Variants in GSK3B observed in about 807,000 individuals in gnomAD.
GSK3B encodes glycogen synthase kinase 3 beta, also known as glycogen synthase kinase-3 beta.
A neutral mutation model predicts 56.4 loss-of-function variants in GSK3B; 15 were observed. The ratio of observed to expected loss-of-function variants is 0.27; its 90% confidence interval spans 0.18 to 0.41. GSK3B has a LOEUF of 0.41. Among genes scored for constraint, GSK3B ranks in the 10% least tolerant of loss-of-function variants. The pLI, the probability that GSK3B is intolerant of heterozygous loss-of-function variation, is 1.00. For missense variants in GSK3B, 300 were observed against 513.4 expected (o/e 0.58, Z 4.02); for synonymous variants, 181 against 188.9 (o/e 0.96, Z 0.34).
chr3:120,055,792 C>CAACAAAG (rs2058187155), intron 1 of GSK3B, among the ~76,000 whole-genome samples: 1 of 151,958 alleles, frequency 6.6e-6, no homozygotes, highest in African/African-American at 2.4e-5. Context: ...GAATATTAGC[C>CAACAAAG]AATTGGAGAG....
chr3:119,951,630 A>C (rs548242218), intron 2 of GSK3B, among the ~76,000 whole-genome samples: 3 of 152,310 alleles, frequency 2.0e-5, no homozygotes, highest in African/African-American at 7.2e-5. Context: ...ATTGGAAAAA[A>C]ACATTGTGAG....
intron 3 of GSK3B, among the ~76,000 whole-genome samples, chr3:119,926,884 T>C (rs1029962340): frequency 1.3e-5 from 2 of 152,128 alleles, no homozygotes; most frequent in African/African-American, 2.4e-5. Flanking sequence ...CCTTAATCAT[T>C]CCATTTAAAA....
At position 120,044,267 on chromosome 3, in the gene GSK3B, T is replaced by C. The variant is rs143390198; in HGVS notation, c.89-42028A>G. ...ATTTCACCTTGTGTCTCTCACGGAATGGGAAAAACTTGGCGTTCCTGGGAA... is the reference window on the plus strand; with the variant it reads ...ATTTCACCTTGTGTCTCTCACGGAACGGGAAAAACTTGGCGTTCCTGGGAA... On this transcript the variant is annotated intron_variant, in intron 1 of 10. Coordinates refer to ENST00000264235, the MANE Select transcript of GSK3B (RefSeq NM_001146156.2). Among the ~76,000 whole-genome samples the C allele has an allele frequency of 3.6e-4, 55 of 152,312 alleles. No individual in the cohort carries two copies. The South Asian group carries it at 4.3e-3, about 12-fold the overall frequency.
intron 1 of GSK3B, among the ~76,000 whole-genome samples, chr3:120,006,006 A>G (rs2057724104): frequency 6.6e-6 from 1 of 152,174 alleles, no homozygotes; most frequent in Non-Finnish European, 1.5e-5. Flanking sequence ...CTCAAGACCC[A>G]TCAATGTGCT....
chr3:119,858,057 G>T (rs1431920950), intron 9 of GSK3B, among the ~76,000 whole-genome samples: 1 of 152,192 alleles, frequency 6.6e-6, no homozygotes, highest in Non-Finnish European at 1.5e-5. Context: ...AAACAGATGT[G>T]CTGTCATGCA....
At chr3:120,019,633 C>CGG (rs1239096787) in intron 1 of GSK3B, among the ~76,000 whole-genome samples, 6 of 152,088 alleles carry the variant, frequency 3.9e-5, no homozygotes, top group African/African-American at 1.4e-4. Flanking sequence ...TAACCATAGC[C>CGG]GGTAAGCAAA....
chr3:120,047,362 T>C (rs569990072), intron 1 of GSK3B, among the ~76,000 whole-genome samples: 11 of 152,338 alleles, frequency 7.2e-5, no homozygotes, highest in South Asian at 6.2e-4. Context: ...TCCAGATAGA[T>C]AGGCTACCAG....
At chr3:119,899,612 T>C (rs1044507679) in intron 7 of GSK3B, among the ~76,000 whole-genome samples, 1 of 152,092 alleles carries the variant, frequency 6.6e-6, no homozygotes, top group Non-Finnish European at 1.5e-5. Context: ...ATTGAAAGCC[T>C]AGGAAAACAA....
In GSK3B at chr3:120,093,949, C is replaced by G. The variant is rs994514680; in HGVS notation, c.-515G>C. The G allele has an allele frequency of 8.5e-5, 18 of 211,338 alleles. No individual in the cohort carries two copies. Among genetic ancestry groups the G allele is most frequent in the East Asian group, 8.3e-4 (12 of 14,502 alleles). 13.1% of individuals were successfully genotyped at this position (211,338 alleles called of 1,614,324 possible). On this transcript the variant is annotated 5_prime_UTR_variant, in exon 1 of 11. Transcript: ENST00000264235. ...TGGCTCGGAGATGCGACGGGAAACG[C>G]TGCAGCTCCGGCAAGCCGCGGGATC...
At chr3:120,082,962 AAAC>A (rs1326217330) in intron 1 of GSK3B, among the ~76,000 whole-genome samples, 1 of 151,834 alleles carries the variant, frequency 6.6e-6, no homozygotes, top group Non-Finnish European at 1.5e-5. Context: ...GCTCTAGTCT[AAAC>A]AATTACTTAA....
intron 9 of GSK3B, among the ~76,000 whole-genome samples, chr3:119,859,199 G>C (rs373169215): frequency 4.5e-5 from 5 of 110,466 alleles, no homozygotes; most frequent in Admixed American, 9.1e-5. Context: ...AAAAAAAAAA[G>C]CATTACCTGT....
chr3:120,061,918 G>C (rs2058240106), intron 1 of GSK3B, among the ~76,000 whole-genome samples: 1 of 151,988 alleles, frequency 6.6e-6, no homozygotes, highest in Non-Finnish European at 1.5e-5. Flanking sequence ...TTTTAGTAGA[G>C]ACGGGGTTTC....
chr3:119,923,502 A>G lies in GSK3B; in HGVS notation c.367-19T>C. 3 of 1,164,244 alleles carry G rather than the reference A, an allele frequency of 2.6e-6. No individual in the cohort carries two copies. Among genetic ancestry groups the G allele is most frequent in the Non-Finnish European group, 3.7e-6 (3 of 800,792 alleles). The allele number at this position is 1,164,244 out of a possible 1,614,324, so 72.1% of individuals were successfully genotyped here. Reference sequence around the variant, plus strand: ...CATCTTTCTGAAAGAGTTTATTTAAAAAAACAAAAAACAAAACAGATTAGA... The same window carrying G: ...CATCTTTCTGAAAGAGTTTATTTAAGAAAACAAAAAACAAAACAGATTAGA... On this transcript the variant is annotated intron_variant, in intron 3 of 10. Coordinates refer to ENST00000264235, the MANE Select transcript of GSK3B (RefSeq NM_001146156.2).
At chr3:119,841,994 C>T (rs959097095) in intron 10 of GSK3B, among the ~76,000 whole-genome samples, 1 of 152,020 alleles carries the variant, frequency 6.6e-6, no homozygotes, top group Admixed American at 6.6e-5. Flanking sequence ...AGCATAAATA[C>T]CCTTAGGCAA....
At chr3:120,077,670 G>A (rs565401906) in intron 1 of GSK3B, among the ~76,000 whole-genome samples, 2 of 151,168 alleles carry the variant, frequency 1.3e-5, no homozygotes, top group South Asian at 2.1e-4. Context: ...AGAGGGGGTG[G>A]GTAACTATGT....
intron 1 of GSK3B, among the ~76,000 whole-genome samples, chr3:120,067,845 A>G (rs922601924): frequency 6.6e-6 from 1 of 152,232 alleles, no homozygotes; most frequent in African/African-American, 2.4e-5. Context: ...TTGAAAGGAG[A>G]GTTAAAAATA....
In GSK3B at chr3:119,822,120, G is replaced by GAA. The variant is rs59156758; in HGVS notation, c.*4666_*4667dup. On this transcript the variant is annotated 3_prime_UTR_variant, in exon 11 of 11. Transcript: ENST00000264235. ...TCACAAAAAAGTTTATATTTAAAAT[G>GAA]AAAAAAAAATCAGTCACAGAGGCAT... is the stretch of plus-strand genomic sequence containing the variant. The GAA allele has an allele frequency of 0.47, 88,299 of 189,208 alleles. 23,070 individuals are homozygous for GAA. The highest frequency in any genetic ancestry group is 0.58 in the Non-Finnish European group (53,118 of 91,128). 11.7% of individuals were successfully genotyped at this position (189,208 alleles called of 1,614,324 possible).
At chr3:120,012,678 A>G (rs2057789437) in intron 1 of GSK3B, among the ~76,000 whole-genome samples, 1 of 152,164 alleles carries the variant, frequency 6.6e-6, no homozygotes, top group Non-Finnish European at 1.5e-5. Flanking sequence ...TAAATACAGA[A>G]TAATTTTTTT....
chr3:119,855,333 G>A (rs2056002884), intron 9 of GSK3B, among the ~76,000 whole-genome samples: 1 of 152,288 alleles, frequency 6.6e-6, no homozygotes, highest in Non-Finnish European at 1.5e-5. Context: ...GAAACAACAG[G>A]TGCTGGAGAG....
Sources: allele counts gnomAD v4.1 joint callset (sites outside exome capture counted in the v4.1 genomes callset), GRCh38; gene constraint gnomAD v4.1.1; transcripts MANE v1.5; gene names NCBI Gene and HGNC (gene_info 2026-07-23, HGNC 2026-07-21).